The following EXOC6B variants were observed in gnomAD, a reference collection of about 807,000 sequenced individuals.
EXOC6B encodes the protein exocyst complex component 6B, also known as SEC15 homolog B.
EXOC6B carries 54 observed loss-of-function variants against 113.5 expected under a neutral mutation model. That is an observed-to-expected ratio of 0.48 (90% CI 0.38 to 0.60). EXOC6B has a LOEUF of 0.60. EXOC6B is among the 20% of genes least tolerant of loss of function. The pLI, the probability that EXOC6B is intolerant of heterozygous loss-of-function variation, is 0.00. For synonymous variants in EXOC6B, 357 were observed against 339.0 expected (o/e 1.05, Z -0.58); for missense variants, 797 against 977.5 (o/e 0.82, Z 2.46).
intron 8 of EXOC6B, among the ~76,000 whole-genome samples, chr2:72,526,558 G>T (rs1701753985): frequency 6.6e-6 from 1 of 151,862 alleles, no homozygotes. Flanking sequence ...ATAGCCTTTT[G>T]TATAGTTAAG....
At chr2:72,692,095 A>C (rs1274938452) in intron 6 of EXOC6B, among the ~76,000 whole-genome samples, 2 of 152,190 alleles carry the variant, frequency 1.3e-5, no homozygotes, top group Admixed American at 6.5e-5. Flanking sequence ...AGAATAAACG[A>C]ACAAAGGTAA....
intron 19 of EXOC6B, among the ~76,000 whole-genome samples, chr2:72,374,167 C>T (rs566811507): frequency 1.3e-5 from 2 of 152,248 alleles, no homozygotes; most frequent in South Asian, 2.1e-4. Context: ...ATCCAGCAAT[C>T]CCACTGCTAG....
At position 72,191,928 on chromosome 2, in the gene EXOC6B, G is replaced by C. The variant is rs368892662; in HGVS notation, c.2197-7741C>G. ...GGCAATATTCAAGCAAACCATCCGG[G>C]GGGTACTTAAGTTTTCTTTGGCAGA... is the stretch of plus-strand genomic sequence containing the variant. On this transcript the variant is annotated intron_variant, in intron 20 of 21. Coordinates refer to ENST00000272427, the MANE Select transcript of EXOC6B (RefSeq NM_015189.3). 3.1e-4 allele frequency among the ~76,000 whole-genome samples: 47 copies of C among 152,204 alleles called. 1 individual carries two copies. In the South Asian group the frequency reaches 8.9e-3, roughly 29 times the overall value.
rs568894991 is a variant in EXOC6B, at chr2:72,335,221, C to G, written c.2123-201G>C. The G allele has an allele frequency of 9.4e-4, 534 of 565,206 alleles. 5 individuals carry two copies. The South Asian group carries it at 0.011, about 11-fold the overall frequency. The allele number at this position is 565,206 out of a possible 1,614,324, so 35.0% of individuals were successfully genotyped here. A position where few individuals can be genotyped will look rare whatever the true frequency, so the allele number is the denominator to read the frequency against. ...AACACCATTAATTCCAGCATCCTGA[C>G]AGCAAGGAAACTGTACTAATTCGAC... On this transcript the variant is annotated intron_variant, in intron 19 of 21. Coordinates refer to ENST00000272427, the MANE Select transcript of EXOC6B (RefSeq NM_015189.3).
chr2:72,751,698 T>C (rs1015807769), intron 1 of EXOC6B, among the ~76,000 whole-genome samples: 13 of 152,086 alleles, frequency 8.5e-5, no homozygotes, highest in African/African-American at 2.9e-4. Context: ...GAGGTGTATA[T>C]ATAAACAGTA....
intron 11 of EXOC6B, 84 bp downstream of exon 11, chr2:72,513,048 C>T (rs1054678778): frequency 1.4e-6 from 2 of 1,481,042 alleles, no homozygotes; most frequent in Non-Finnish European, 1.8e-6. Flanking sequence ...CAAAGACATA[C>T]ATATGTTGAT....
intron 8 of EXOC6B, among the ~76,000 whole-genome samples, chr2:72,542,030 T>C (rs1190664346): frequency 1.3e-5 from 2 of 152,192 alleles, no homozygotes; most frequent in African/African-American, 4.8e-5. Flanking sequence ...TTCAGGGCAA[T>C]GAGAAATCTC....
chr2:72,559,699 A>G (rs1293415610), intron 7 of EXOC6B, among the ~76,000 whole-genome samples, 178 bp from the exon 8 acceptor site: 2 of 152,194 alleles, frequency 1.3e-5, no homozygotes, highest in African/African-American at 4.8e-5. Flanking sequence ...TGTTTTAGCC[A>G]TAGAATTAAT....
rs529271304 is a variant in EXOC6B, at chr2:72,550,708, G to A, written c.915+8745C>T. ...TCTAAATAATAACCAGTATGCCTTA[G>A]TTTCTACATAGCTTAGGACTACATA... is the stretch of plus-strand genomic sequence containing the variant. On this transcript the variant is annotated intron_variant, in intron 8 of 21. Transcript: ENST00000272427. Among the ~76,000 whole-genome samples, 8 of 152,094 alleles carry A rather than the reference G, an allele frequency of 5.3e-5. No individual in the cohort carries two copies. In the South Asian group the frequency reaches 1.5e-3, roughly 28 times the overall value.
At chr2:72,497,826 A>C (rs979477246) in intron 13 of EXOC6B, among the ~76,000 whole-genome samples, 9 of 152,224 alleles carry the variant, frequency 5.9e-5, no homozygotes, top group Non-Finnish European at 1.5e-5. Context: ...GAAGAAAGTC[A>C]AATGAGTTGA....
intron 8 of EXOC6B, among the ~76,000 whole-genome samples, chr2:72,522,933 C>T (rs1368012132): frequency 6.6e-6 from 1 of 152,196 alleles, no homozygotes; most frequent in African/African-American, 2.4e-5. Context: ...TCCTTTTCTT[C>T]CAACACATTG....
intron 19 of EXOC6B, among the ~76,000 whole-genome samples, chr2:72,344,604 TTTTTGTTGATTG>T (rs976980207): frequency 3.3e-5 from 5 of 152,078 alleles, no homozygotes; most frequent in African/African-American, 7.2e-5. Flanking sequence ...TTTGTTACCG[TTTTTGTTGATTG>T]TTTTGTTGAT....
At chr2:72,572,567 C>T (rs546251831) in intron 7 of EXOC6B, among the ~76,000 whole-genome samples, 1 of 152,276 alleles carries the variant, frequency 6.6e-6, no homozygotes, top group Admixed American at 6.5e-5. Flanking sequence ...AGAATGACTG[C>T]CATACAGGGA....
chr2:72,242,401 TCA>T (rs1324045579), intron 20 of EXOC6B, among the ~76,000 whole-genome samples: 2 of 152,212 alleles, frequency 1.3e-5, no homozygotes, highest in African/African-American at 4.8e-5. Context: ...GTATTTGCAC[TCA>T]CACATGATGC....
intron 1 of EXOC6B, among the ~76,000 whole-genome samples, chr2:72,774,546 C>T (rs1357459449): frequency 1.3e-5 from 2 of 152,196 alleles, no homozygotes; most frequent in Admixed American, 6.5e-5. Flanking sequence ...GTCCAGCCAA[C>T]TGCACTCCTG....
chr2:72,783,040 G>A (rs561954101), intron 1 of EXOC6B, among the ~76,000 whole-genome samples: 13 of 152,248 alleles, frequency 8.5e-5, no homozygotes, highest in Admixed American at 8.5e-4. Flanking sequence ...TAAATACACT[G>A]TAGTGAGACT....
chr2:72,507,116 A>G lies in EXOC6B; in HGVS notation c.1167+6016T>C. Among the ~76,000 whole-genome samples, 3 of 152,268 alleles carry G rather than the reference A, an allele frequency of 2.0e-5. No homozygotes were observed. The South Asian group carries it at 6.2e-4, about 32-fold the overall frequency. ...CAATTTATACTAATAATTTAATCAG[A>G]AAAAGTAAAGAGTAATTTTAAACAG... is the stretch of plus-strand genomic sequence containing the variant. On this transcript the variant is annotated intron_variant, in intron 11 of 21. Coordinates refer to ENST00000272427, the MANE Select transcript of EXOC6B (RefSeq NM_015189.3).
intron 19 of EXOC6B, among the ~76,000 whole-genome samples, chr2:72,347,974 A>G (rs901234293): frequency 5.3e-5 from 8 of 152,180 alleles, no homozygotes; most frequent in Admixed American, 1.3e-4. Context: ...ATGATACTAC[A>G]CTATGGCTTC....
At chr2:72,574,285 A>T (rs1003489188) in intron 7 of EXOC6B, among the ~76,000 whole-genome samples, 1 of 152,176 alleles carries the variant, frequency 6.6e-6, no homozygotes, top group Admixed American at 6.5e-5. Context: ...TAATAGAGGC[A>T]GGCATAATGA....
Sources: allele counts gnomAD v4.1 joint callset (sites outside exome capture counted in the v4.1 genomes callset), GRCh38; gene constraint gnomAD v4.1.1; transcripts MANE v1.5; gene names NCBI Gene and HGNC (gene_info 2026-07-23, HGNC 2026-07-21).